SLC5A4: variants seen among roughly 807,000 people sequenced by gnomAD.
SLC5A4 encodes the protein probable glucose sensor protein SLC5A4.
In SLC5A4, 55 loss-of-function variants were observed where a neutral mutation model predicts 70.3. The ratio of observed to expected loss-of-function variants is 0.78; its 90% confidence interval spans 0.63 to 0.98. SLC5A4 has a LOEUF of 0.98. Ranked by LOEUF, SLC5A4 falls within the 50% of genes least tolerant of loss-of-function variation. The pLI is 0.00. For synonymous variants in SLC5A4, 268 were observed against 305.7 expected (o/e 0.88, Z 1.29); for missense variants, 735 against 839.2 (o/e 0.88, Z 1.53).
chr22:32,235,863 C>G (rs983947403), intron 7 of SLC5A4, among the ~76,000 whole-genome samples: 1 of 152,130 alleles, frequency 6.6e-6, no homozygotes, highest in Non-Finnish European at 1.5e-5. Flanking sequence ...GACTACTATG[C>G]GCCAAACACT....
chr22:32,224,459 A>G lies in SLC5A4; in HGVS notation c.1473T>C (p.Val491=). 1.9e-6 allele frequency: 3 copies of G among 1,614,014 alleles called. No individual in the cohort carries two copies. Among genetic ancestry groups the G allele is most frequent in the Non-Finnish European group, 2.5e-6 (3 of 1,179,904 alleles). ...TACGAATGAGGCCCATTGCAAGTCC[A>G]ACCATTAGACCCCAGAATGCTCCCT... ...NEQGAFWGLM[V]GLAMGLIRMI... is the part of the protein sequence containing the mutation. Residue 491 remains valine, a synonymous_variant, in exon 13 of 15, where the codon GTT becomes GTC. Transcript: ENST00000266086.
the SLC5A4 span, among the ~76,000 whole-genome samples, chr22:32,354,166 C>G: frequency 6.7e-6 from 1 of 148,568 alleles, no homozygotes; most frequent in African/African-American, 2.5e-5. Flanking sequence ...GTGGATACGT[C>G]CCTCAATAGC....
the SLC5A4 span, among the ~76,000 whole-genome samples, chr22:32,305,623 C>G: frequency 5.4e-5 from 8 of 147,740 alleles, 1 homozygote; most frequent in African/African-American, 2.0e-4. Context: ...GCAGCCTGTC[C>G]CTTCTCCTGC....
chr22:32,341,860 T>C, the SLC5A4 span, among the ~76,000 whole-genome samples: 2 of 152,226 alleles, frequency 1.3e-5, no homozygotes, highest in African/African-American at 4.8e-5. Context: ...GAGTGAACCA[T>C]GAAACTATGT....
At chr22:32,307,913 T>C in the SLC5A4 span, among the ~76,000 whole-genome samples, 2 of 146,316 alleles carry the variant, frequency 1.4e-5, no homozygotes. Context: ...TAAGAATCCC[T>C]GCAGTTTGCA....
chr22:32,221,079 A>G, intron 13 of SLC5A4, 57 bp from the exon 14 acceptor site: 1 of 1,046,696 alleles, frequency 9.6e-7, no homozygotes. Flanking sequence ...GCAATAGTAT[A>G]ATAGAATGGT....
the SLC5A4 span, chr22:32,355,034 A>C: frequency 6.6e-6 from 1 of 152,030 alleles, no homozygotes; most frequent in Non-Finnish European, 1.5e-5. Flanking sequence ...AACCAGCTAC[A>C]CAAGCTGACG....
the SLC5A4 span, among the ~76,000 whole-genome samples, chr22:32,286,300 G>A: frequency 1.3e-5 from 2 of 152,158 alleles, no homozygotes; most frequent in Admixed American, 6.5e-5. Flanking sequence ...GTTTTAATTT[G>A]TGGGGTTTTA....
chr22:32,231,022 C>T lies in SLC5A4; in HGVS notation c.1075G>A (p.Val359Ile). 6.2e-7 allele frequency: 1 copy of T among 1,614,124 alleles called. No homozygotes were observed. ...SECVKHCGVD[V>I]GCTNYAYPTM... ...GGGTATGCGTAGTTGGTGCAGCCAA[C>T]ATCAACGCCACAGTGTTTCACGCAT... is the stretch of plus-strand genomic sequence containing the variant. The change falls in exon 10 of 15, where the codon GTT (valine) becomes ATT (isoleucine). Residue 359 changes from valine (V) to isoleucine (I), a missense_variant. Val to Ile is a conservative substitution (Grantham distance 29). Coordinates refer to ENST00000266086, the MANE Select transcript of SLC5A4 (RefSeq NM_014227.3).
chr22:32,240,450 T>C (rs1464213571), intron 5 of SLC5A4, among the ~76,000 whole-genome samples: 2 of 123,500 alleles, frequency 1.6e-5, no homozygotes, highest in Non-Finnish European at 3.4e-5. Flanking sequence ...TATATATATA[T>C]GTGTGTGTGT....
the SLC5A4 span, among the ~76,000 whole-genome samples, chr22:32,260,800 C>T: frequency 0.016 from 2,413 of 152,248 alleles, 20 homozygotes; most frequent in African/African-American, 0.023. Context: ...AGGCTGGGCA[C>T]AGTGGCTCAT....
chr22:32,350,826 G>T, the SLC5A4 span, among the ~76,000 whole-genome samples: 2 of 149,164 alleles, frequency 1.3e-5, no homozygotes, highest in African/African-American at 5.0e-5. Context: ...TTATATATTT[G>T]TTGGCTTGAA....
At chr22:32,305,649 G>C in the SLC5A4 span, among the ~76,000 whole-genome samples, 2 of 134,370 alleles carry the variant, frequency 1.5e-5, no homozygotes, top group African/African-American at 5.7e-5. Context: ...GGTGGGGCCA[G>C]AATCAACTGT....
At chr22:32,253,158 A>T (rs147254187) in intron 2 of SLC5A4, among the ~76,000 whole-genome samples, 1 of 152,296 alleles carries the variant, frequency 6.6e-6, no homozygotes, top group East Asian at 1.9e-4. Flanking sequence ...ACTTCCCCTC[A>T]TACCATTTAG....
the SLC5A4 span, among the ~76,000 whole-genome samples, chr22:32,312,355 ACG>A: frequency 0.056 from 7,584 of 134,794 alleles, 348 homozygotes; most frequent in Admixed American, 0.17. Flanking sequence ...CCCAAATCAC[ACG>A]CGCGCGCGCA....
chr22:32,347,308 G>A, the SLC5A4 span, among the ~76,000 whole-genome samples: 6 of 151,878 alleles, frequency 4.0e-5, no homozygotes, highest in African/African-American at 4.8e-5. Flanking sequence ...GATTCCTCAC[G>A]GATCTAGAAC....
intron 11 of SLC5A4, 80 bp from the exon 12 acceptor site, chr22:32,225,903 T>C: frequency 1.0e-6 from 1 of 977,066 alleles, no homozygotes; most frequent in South Asian, 1.9e-5. Flanking sequence ...CTAGCGTTCA[T>C]TCTTGTTGTC....
At chr22:32,339,871 C>T in the SLC5A4 span, among the ~76,000 whole-genome samples, 2 of 152,226 alleles carry the variant, frequency 1.3e-5, no homozygotes, top group Non-Finnish European at 2.9e-5. Context: ...TTCACTGACA[C>T]CTGCGGGCCA....
the SLC5A4 span, chr22:32,270,701 A>G: frequency 2.9e-6 from 2 of 679,602 alleles, no homozygotes; most frequent in Admixed American, 2.0e-5. Flanking sequence ...GAAGGAATGA[A>G]TCAGTTGTAC....
Sources: gnomAD v4.1 joint callset for allele counts (sites outside exome capture counted in the v4.1 genomes callset) on GRCh38, gnomAD v4.1.1 for gene constraint, MANE v1.5 for transcripts, NCBI Gene and HGNC (gene_info 2026-07-23, HGNC 2026-07-21) for gene names.